Variants in AFF3 observed in about 807,000 individuals in gnomAD.
The protein encoded by AFF3 is AF4/FMR2 family member 3.
AFF3 carries 32 observed loss-of-function variants against 129.7 expected under a neutral mutation model. The observed-to-expected ratio is 0.25, with a 90% CI of 0.19 to 0.33. The LOEUF is 0.33. Ranked by LOEUF, AFF3 falls within the 10% of genes least tolerant of loss-of-function variation. The pLI, the probability that AFF3 is intolerant of heterozygous loss-of-function variation, is 1.00. For synonymous variants in AFF3, 644 were observed against 635.4 expected, an observed-to-expected ratio of 1.01 and a Z score of -0.20; for missense variants, 1,373 against 1,592.0, an observed-to-expected ratio of 0.86 and a Z score of 2.34.
At chr2:99,992,544 A>C (rs1237367172) in intron 7 of AFF3, among the ~76,000 whole-genome samples, 2 of 152,228 alleles carry the variant, frequency 1.3e-5, no homozygotes, top group Non-Finnish European at 2.9e-5. Flanking sequence ...AACCAGAATA[A>C]GATAATAGGG....
chr2:100,128,748 T>C (rs1692303327), intron 2 of AFF3, among the ~76,000 whole-genome samples: 1 of 152,162 alleles, frequency 6.6e-6, no homozygotes, highest in African/African-American at 2.4e-5. Flanking sequence ...TTCAAGTAAT[T>C]AGAACTCTTT....
chr2:99,825,936 A>G (rs1688047597), intron 8 of AFF3, among the ~76,000 whole-genome samples: 1 of 152,212 alleles, frequency 6.6e-6, no homozygotes, highest in Non-Finnish European at 1.5e-5. Context: ...TTGCTTCAGG[A>G]CTAGAAGGAC....
chr2:99,776,187 T>C (rs1683890858), intron 8 of AFF3, among the ~76,000 whole-genome samples: 1 of 152,226 alleles, frequency 6.6e-6, no homozygotes, highest in Admixed American at 6.5e-5. Flanking sequence ...CTGGAGTTCC[T>C]TATAATTGTG....
chr2:100,099,749 G>C (rs1056214474), intron 4 of AFF3, among the ~76,000 whole-genome samples: 2 of 152,092 alleles, frequency 1.3e-5, no homozygotes, highest in Non-Finnish European at 2.9e-5. Flanking sequence ...CTGTACAGCA[G>C]GGTTTCCTAA....
In AFF3 at chr2:100,007,151, C is replaced by A; in HGVS notation, c.484G>T (p.Ala162Ser). 1 of 1,613,984 alleles carries A rather than the reference C, an allele frequency of 6.2e-7. No homozygotes were observed. The highest frequency in any genetic ancestry group is 8.5e-7 in the Non-Finnish European group (1 of 1,179,904). ...GHPPSDGQQRATQQGSLRTLL... is the reference protein window; with the variant it reads ...GHPPSDGQQRSTQQGSLRTLL... ...AGCAACCTGTGCCTGTGCTTACTTG[C>A]TCTCTGTTGGCCGTCAGAGGGTGGG... Residue 162 changes from alanine to serine, a missense_variant, in exon 6 of 25, where the codon GCA becomes TCA. Physicochemically the swap from Ala to Ser is moderately conservative, Grantham distance 99. Around this residue, in one of 9 missense-constraint regions of AFF3, gnomAD observed 255 missense variants for 256.0 expected, o/e 1.00. Coordinates refer to ENST00000672756, the MANE Select transcript of AFF3 (RefSeq NM_001386135.1).
intron 4 of AFF3, among the ~76,000 whole-genome samples, chr2:100,046,559 G>A (rs927241911): frequency 6.6e-6 from 1 of 152,106 alleles, no homozygotes; most frequent in Non-Finnish European, 1.5e-5. Context: ...GGTGCTTCTG[G>A]TTTCCCATTT....
intron 17 of AFF3, among the ~76,000 whole-genome samples, chr2:99,580,985 T>C (rs1446748948): frequency 1.3e-5 from 2 of 152,214 alleles, no homozygotes; most frequent in Non-Finnish European, 2.9e-5. Flanking sequence ...TCCTAGTTCT[T>C]TGTGAGTTCC....
At chr2:99,729,386 G>A (rs1679622420) in intron 10 of AFF3, among the ~76,000 whole-genome samples, 1 of 152,162 alleles carries the variant, frequency 6.6e-6, no homozygotes, top group African/African-American at 2.4e-5. Flanking sequence ...AACAGAATAG[G>A]TTCTGGCAAA....
chr2:99,684,502 G>A (rs1674851319), intron 11 of AFF3, among the ~76,000 whole-genome samples: 1 of 152,120 alleles, frequency 6.6e-6, no homozygotes, highest in Non-Finnish European at 1.5e-5. Flanking sequence ...GTATAAACGT[G>A]AAGAGGAGAA....
chr2:99,662,665 T>G (rs1524366), intron 12 of AFF3, among the ~76,000 whole-genome samples: 87,010 of 152,008 alleles, frequency 0.57, 25,514 homozygotes, highest in African/African-American at 0.71. Context: ...CTAGCTCTTG[T>G]TTGCCTACAA....
intron 7 of AFF3, among the ~76,000 whole-genome samples, chr2:99,940,827 C>G (rs766300903): frequency 3.3e-5 from 5 of 152,244 alleles, no homozygotes; most frequent in African/African-American, 1.2e-4. Flanking sequence ...CTCCTGGCAT[C>G]TGGATTGGGA....
intron 7 of AFF3, among the ~76,000 whole-genome samples, chr2:99,870,962 T>C (rs999028721): frequency 6.6e-6 from 1 of 152,212 alleles, no homozygotes; most frequent in Non-Finnish European, 1.5e-5. Flanking sequence ...CATAGGCATT[T>C]TGTAATTACA....
chr2:99,777,946 G>GCAAAAAAAAAAAA (rs1684049734), intron 8 of AFF3, among the ~76,000 whole-genome samples: 1 of 27,182 alleles, frequency 3.7e-5, no homozygotes. Flanking sequence ...AAAAGCAAAA[G>GCAAAAAAAAAAAA]CAAAAAAAAA....
At chr2:99,679,194 T>C (rs976788427) in intron 11 of AFF3, among the ~76,000 whole-genome samples, 1 of 152,220 alleles carries the variant, frequency 6.6e-6, no homozygotes, top group African/African-American at 2.4e-5. Flanking sequence ...GAAGCAATTT[T>C]GGTCCATAGC....
At chr2:99,809,056 T>C (rs1217636621) in intron 8 of AFF3, among the ~76,000 whole-genome samples, 1 of 152,220 alleles carries the variant, frequency 6.6e-6, no homozygotes, top group Non-Finnish European at 1.5e-5. Context: ...GGAATTCACA[T>C]ACCTAGAGAG....
chr2:99,708,635 T>G (rs1042161887), intron 11 of AFF3, among the ~76,000 whole-genome samples: 3 of 152,208 alleles, frequency 2.0e-5, no homozygotes, highest in African/African-American at 7.2e-5. Flanking sequence ...CAATTTAGCA[T>G]GATTAGTAAT....
chr2:99,710,700 G>A (rs1188623119), intron 11 of AFF3, among the ~76,000 whole-genome samples: 1 of 152,074 alleles, frequency 6.6e-6, no homozygotes, highest in South Asian at 2.1e-4. Flanking sequence ...TGAAAGTTTG[G>A]TCACCTGCCC....
chr2:99,562,697 G>A (rs2104589664), intron 20 of AFF3, among the ~76,000 whole-genome samples: 1 of 152,258 alleles, frequency 6.6e-6, no homozygotes, highest in South Asian at 2.1e-4. Context: ...TTCTTGGTAT[G>A]ATGAGTGAGT....
intron 11 of AFF3, among the ~76,000 whole-genome samples, chr2:99,720,126 T>C (rs1008545704): frequency 6.6e-6 from 1 of 152,222 alleles, no homozygotes; most frequent in African/African-American, 2.4e-5. Flanking sequence ...GGTCTGACAA[T>C]CTTTTCCTTT....
Sources: gnomAD v4.1 joint callset for allele counts (sites outside exome capture counted in the v4.1 genomes callset) on GRCh38, gnomAD v4.1.1 for gene constraint, gnomAD v4.1.1 regional missense constraint, MANE v1.5 for transcripts, NCBI Gene and HGNC (gene_info 2026-07-23, HGNC 2026-07-21) for gene names.